The following SDK1 variants were observed in gnomAD, a reference collection of about 807,000 sequenced individuals.
SDK1 encodes protein sidekick-1.
In SDK1, 157 loss-of-function variants were observed where a neutral mutation model predicts 245.5. The ratio of observed to expected loss-of-function variants is 0.64; its 90% CI spans 0.56 to 0.73. The LOEUF (loss-of-function observed/expected upper bound fraction) is 0.73. SDK1 is among the 30% of genes least tolerant of loss of function. The pLI, the probability that SDK1 is intolerant of heterozygous loss-of-function variation, is 0.00. For missense variants in SDK1, 3,583 were observed against 3,002.3 expected (o/e 1.19, Z -4.52); for synonymous variants, 1,647 against 1,278.5 (o/e 1.29, Z -6.15).
chr7:4,096,447 G>T (rs1293707502), intron 22 of SDK1, among the ~76,000 whole-genome samples: 1 of 152,144 alleles, frequency 6.6e-6, no homozygotes, highest in African/African-American at 2.4e-5. Flanking sequence ...TGGCTGGTTG[G>T]CAGAGGATGG....
chr7:3,532,750 C>T (rs533142004), intron 1 of SDK1, among the ~76,000 whole-genome samples: 1 of 152,306 alleles, frequency 6.6e-6, no homozygotes, highest in South Asian at 2.1e-4. Context: ...GACTCCTCTG[C>T]ACTCTGCATT....
chr7:3,633,317 A>G (rs1329606943), intron 2 of SDK1, among the ~76,000 whole-genome samples: 4 of 152,178 alleles, frequency 2.6e-5, no homozygotes, highest in Admixed American at 2.0e-4. Flanking sequence ...TTATGAATCA[A>G]ATTAAGTTCC....
chr7:4,101,238 T>C (rs1342320175), intron 22 of SDK1, among the ~76,000 whole-genome samples: 1 of 149,684 alleles, frequency 6.7e-6, no homozygotes, highest in African/African-American at 2.5e-5. Context: ...GCCTCCCGGG[T>C]TCACACCATT....
At chr7:3,582,994 G>C (rs1441330340) in intron 1 of SDK1, among the ~76,000 whole-genome samples, 1 of 152,206 alleles carries the variant, frequency 6.6e-6, no homozygotes, top group African/African-American at 2.4e-5. Flanking sequence ...GTGTGCTGCA[G>C]AGTGCATTCC....
At chr7:4,094,662 C>G (rs532785714) in intron 22 of SDK1, among the ~76,000 whole-genome samples, 1 of 152,338 alleles carries the variant, frequency 6.6e-6, no homozygotes, top group South Asian at 2.1e-4. Flanking sequence ...TTATTGTTAT[C>G]AAACCGGACT....
intron 4 of SDK1, among the ~76,000 whole-genome samples, chr7:3,686,251 T>G (rs931370445): frequency 2.0e-5 from 3 of 152,172 alleles, no homozygotes; most frequent in African/African-American, 7.2e-5. Context: ...TATTTTTGTA[T>G]TTTTAGTAGA....
chr7:3,471,056 AT>A (rs1160042536), intron 1 of SDK1, among the ~76,000 whole-genome samples: 1 of 152,140 alleles, frequency 6.6e-6, no homozygotes, highest in African/African-American at 2.4e-5. Flanking sequence ...TCTGGCAATT[AT>A]TTTATCTGTT....
In SDK1 at chr7:3,443,065, C is replaced by T. The variant is rs570419793; in HGVS notation, c.298+141181C>T. ...GCCTGTAAAAATAAAAATCTAAGTG[C>T]TTTTTTTTTTTTTCCCTCCCAAGTA... On this transcript the variant is annotated intron_variant, in intron 1 of 44. Coordinates refer to ENST00000404826, the MANE Select transcript of SDK1 (RefSeq NM_152744.4). 5.0e-3 allele frequency among the ~76,000 whole-genome samples: 746 copies of T among 147,848 alleles called. 1 individual carries two copies. Among genetic ancestry groups the T allele is most frequent in the Middle Eastern group, 0.014 (4 of 280 alleles).
chr7:4,081,024 C>G (rs1385302825), intron 22 of SDK1, among the ~76,000 whole-genome samples: 2 of 152,146 alleles, frequency 1.3e-5, no homozygotes, highest in African/African-American at 4.8e-5. Flanking sequence ...CAGAAGTAGC[C>G]AGGCAATACT....
chr7:3,481,614 C>T (rs925338640), intron 1 of SDK1, among the ~76,000 whole-genome samples: 8 of 152,124 alleles, frequency 5.3e-5, no homozygotes, highest in African/African-American at 1.9e-4. Flanking sequence ...ACATACAAGC[C>T]CTTCCTGTGT....
intron 1 of SDK1, among the ~76,000 whole-genome samples, chr7:3,582,266 TA>T (rs1780524987): frequency 6.6e-6 from 1 of 150,706 alleles, no homozygotes; most frequent in African/African-American, 2.5e-5. Flanking sequence ...CTGCCTCAGG[TA>T]GGTCTCCCTC....
chr7:3,698,155 A>G (rs1784629246), intron 4 of SDK1, among the ~76,000 whole-genome samples: 1 of 152,168 alleles, frequency 6.6e-6, no homozygotes, highest in Non-Finnish European at 1.5e-5. Context: ...TTAGAATGAC[A>G]GAAAACTTTT....
At chr7:3,490,778 A>T (rs940960976) in intron 1 of SDK1, among the ~76,000 whole-genome samples, 1 of 152,188 alleles carries the variant, frequency 6.6e-6, no homozygotes, top group Non-Finnish European at 1.5e-5. Flanking sequence ...AGGCTATTGG[A>T]GGGGGCTGCA....
chr7:3,346,336 C>A (rs1239944739), intron 1 of SDK1, among the ~76,000 whole-genome samples: 2 of 151,968 alleles, frequency 1.3e-5, no homozygotes, highest in Non-Finnish European at 2.9e-5. Flanking sequence ...AGTGGAGCTC[C>A]TGTGAGCCTC....
intron 20 of SDK1, among the ~76,000 whole-genome samples, chr7:4,074,884 C>CTCTCTCTCTCTCTCTCTCTGTGTGTG (rs1377225405): frequency 6.4e-5 from 4 of 62,460 alleles, no homozygotes; most frequent in African/African-American, 4.9e-4. Flanking sequence ...CTCTCTCTCT[C>CTCTCTCTCTCTCTCTCTCTGTGTGTG]TGTATATATA....
intron 4 of SDK1, among the ~76,000 whole-genome samples, chr7:3,810,212 G>A (rs6945255): frequency 0.2 from 29,719 of 152,132 alleles, 3,188 homozygotes; most frequent in Middle Eastern, 0.37. Flanking sequence ...CTTTTTAGAC[G>A]CCTTTCTGTC....
intron 1 of SDK1, among the ~76,000 whole-genome samples, chr7:3,475,179 T>C (rs1234468497): frequency 6.6e-6 from 1 of 152,198 alleles, no homozygotes; most frequent in Non-Finnish European, 1.5e-5. Flanking sequence ...ACTAGTTAGT[T>C]CCAGGGTCTG....
chr7:3,660,573 G>T (rs1311995172), intron 4 of SDK1, among the ~76,000 whole-genome samples: 2 of 152,110 alleles, frequency 1.3e-5, no homozygotes, highest in Non-Finnish European at 2.9e-5. Context: ...CAGCTCCGCA[G>T]CCAGGTTGAA....
intron 5 of SDK1, among the ~76,000 whole-genome samples, chr7:3,849,470 T>A (rs1227460934): frequency 6.6e-6 from 1 of 152,192 alleles, no homozygotes; most frequent in Non-Finnish European, 1.5e-5. Context: ...TGTGGGAACA[T>A]GGATTTATTA....
Sources: gnomAD v4.1 joint callset for allele counts (sites outside exome capture counted in the v4.1 genomes callset) on GRCh38, gnomAD v4.1.1 for gene constraint, MANE v1.5 for transcripts, NCBI Gene and HGNC (gene_info 2026-07-23, HGNC 2026-07-21) for gene names.